Variants in ARHGAP42 observed in about 807,000 individuals in gnomAD.
The protein encoded by ARHGAP42 is Rho GTPase activating protein 42, also known as rho GTPase-activating protein 42.
A neutral mutation model predicts 125.0 loss-of-function variants in ARHGAP42; 63 were observed. That is an observed-to-expected ratio of 0.50 (90% CI 0.41 to 0.62). ARHGAP42 has a LOEUF of 0.62. ARHGAP42 is among the 20% of genes least tolerant of loss of function. ARHGAP42 has a pLI of 0.00. For missense variants in ARHGAP42, 766 were observed against 1,024.2 expected, an observed-to-expected ratio of 0.75 and a Z score of 3.44; for synonymous variants, 339 against 351.0, an observed-to-expected ratio of 0.97 and a Z score of 0.38.
At chr11:100,980,189 C>T (rs983496423) in intron 22 of ARHGAP42, among the ~76,000 whole-genome samples, 4 of 152,236 alleles carry the variant, frequency 2.6e-5, no homozygotes, top group African/African-American at 9.6e-5. Flanking sequence ...AGCATGTGAA[C>T]CTTACCTCTG....
chr11:100,946,094 A>G (rs1868009104), intron 10 of ARHGAP42, among the ~76,000 whole-genome samples: 1 of 152,036 alleles, frequency 6.6e-6, no homozygotes, highest in Non-Finnish European at 1.5e-5. Context: ...TTCATCTTAT[A>G]CTTTTATATT....
chr11:100,917,574 T>C (rs1235253427), intron 5 of ARHGAP42, among the ~76,000 whole-genome samples: 1 of 152,130 alleles, frequency 6.6e-6, no homozygotes, highest in Non-Finnish European at 1.5e-5. Flanking sequence ...GATTATGATT[T>C]ATTTATTTGT....
chr11:100,756,363 A>G (rs893556945), intron 1 of ARHGAP42, among the ~76,000 whole-genome samples: 4 of 152,052 alleles, frequency 2.6e-5, no homozygotes, highest in African/African-American at 9.7e-5. Context: ...ATGCCACTGC[A>G]CTCTAGCCTG....
At chr11:100,958,200 A>G (rs1857855659) in intron 12 of ARHGAP42, among the ~76,000 whole-genome samples, 1 of 152,030 alleles carries the variant, frequency 6.6e-6, no homozygotes, top group African/African-American at 2.4e-5. Flanking sequence ...CTATATTCAA[A>G]AAGTATTTTA....
At chr11:100,718,830 T>G (rs1397827959) in intron 1 of ARHGAP42, among the ~76,000 whole-genome samples, 1 of 152,176 alleles carries the variant, frequency 6.6e-6, no homozygotes, top group African/African-American at 2.4e-5. Flanking sequence ...GTAAATTAGT[T>G]TCTTGTTTAT....
intron 4 of ARHGAP42, among the ~76,000 whole-genome samples, chr11:100,881,833 G>T (rs1276871535): frequency 8.6e-6 from 1 of 116,128 alleles, no homozygotes; most frequent in Non-Finnish European, 1.8e-5. Context: ...GTTAGTTTTT[G>T]TTTGTTTGTT....
intron 4 of ARHGAP42, among the ~76,000 whole-genome samples, chr11:100,912,685 C>T (rs1212631516): frequency 6.6e-6 from 1 of 152,134 alleles, no homozygotes; most frequent in Admixed American, 6.5e-5. Flanking sequence ...ATATTTCATT[C>T]CATTTGCATT....
chr11:100,715,583 C>T (rs892250232), intron 1 of ARHGAP42, among the ~76,000 whole-genome samples: 2 of 152,142 alleles, frequency 1.3e-5, no homozygotes, highest in Non-Finnish European at 2.9e-5. Context: ...TCACAAGACT[C>T]ATCCTTGGCG....
chr11:100,742,288 CTTGGAAAGT>C (rs1862204656), intron 1 of ARHGAP42, among the ~76,000 whole-genome samples: 1 of 152,200 alleles, frequency 6.6e-6, no homozygotes, highest in South Asian at 2.1e-4. Flanking sequence ...CCTTCATTTC[CTTGGAAAGT>C]TTGAAATAGG....
chr11:100,897,321 T>G (rs1447907927), intron 4 of ARHGAP42, among the ~76,000 whole-genome samples: 1 of 152,154 alleles, frequency 6.6e-6, no homozygotes, highest in Non-Finnish European at 1.5e-5. Flanking sequence ...TTGGCAATGC[T>G]GTCTCTTTCT....
intron 3 of ARHGAP42, among the ~76,000 whole-genome samples, chr11:100,796,815 G>C (rs958636611): frequency 2.0e-5 from 3 of 147,394 alleles, no homozygotes; most frequent in Non-Finnish European, 4.5e-5. Context: ...TGTCGTCCAG[G>C]CTGGAGTGCA....
chr11:100,855,595 G>A (rs1405815940), intron 3 of ARHGAP42, among the ~76,000 whole-genome samples: 2 of 151,972 alleles, frequency 1.3e-5, no homozygotes, highest in Admixed American at 1.3e-4. Context: ...CATATTTGGA[G>A]AATCATTCTT....
chr11:100,708,442 G>T (rs1861512015), intron 1 of ARHGAP42, among the ~76,000 whole-genome samples: 1 of 152,142 alleles, frequency 6.6e-6, no homozygotes, highest in Admixed American at 6.5e-5. Context: ...GAGCCCAGGA[G>T]GTCAAGGCTG....
chr11:100,722,385 A>G (rs2056871360), intron 1 of ARHGAP42, among the ~76,000 whole-genome samples: 1 of 147,582 alleles, frequency 6.8e-6, no homozygotes, highest in African/African-American at 2.5e-5. Context: ...TTTAAAAAAA[A>G]TTTATTACTT....
chr11:100,717,354 T>A (rs1240173255), intron 1 of ARHGAP42, among the ~76,000 whole-genome samples: 3 of 152,056 alleles, frequency 2.0e-5, no homozygotes, highest in African/African-American at 7.2e-5. Flanking sequence ...ATACCATATA[T>A]AGGCCGGGCG....
intron 5 of ARHGAP42, among the ~76,000 whole-genome samples, chr11:100,916,078 T>C (rs1354485689): frequency 6.6e-6 from 1 of 152,198 alleles, no homozygotes; most frequent in Non-Finnish European, 1.5e-5. Flanking sequence ...GAAAAATAAG[T>C]GGCTGCCCAT....
intron 10 of ARHGAP42, among the ~76,000 whole-genome samples, chr11:100,947,388 T>C (rs1012161897): frequency 6.6e-6 from 1 of 151,978 alleles, no homozygotes; most frequent in Non-Finnish European, 1.5e-5. Context: ...TACCAACATG[T>C]TAATGCTTTG....
intron 1 of ARHGAP42, among the ~76,000 whole-genome samples, chr11:100,729,465 A>G (rs1861917770): frequency 6.6e-6 from 1 of 152,176 alleles, no homozygotes; most frequent in African/African-American, 2.4e-5. Context: ...GTTTTGGAGC[A>G]TATGTCAATT....
At chr11:100,808,626 C>G (rs11224461) in intron 3 of ARHGAP42, among the ~76,000 whole-genome samples, 1 of 150,734 alleles carries the variant, frequency 6.6e-6, no homozygotes, top group Non-Finnish European at 1.5e-5. Context: ...AGGATGGTCT[C>G]GATCTCCTGA....
Sources: allele counts gnomAD v4.1 joint callset (sites outside exome capture counted in the v4.1 genomes callset), GRCh38; gene constraint gnomAD v4.1.1; transcripts MANE v1.5; gene names NCBI Gene and HGNC (gene_info 2026-07-23, HGNC 2026-07-21).